Variants in CTNNA2 observed in about 807,000 individuals in gnomAD.
The protein encoded by CTNNA2 is catenin alpha 2, also known as catenin alpha-2.
Under a neutral mutation model 101.0 loss-of-function variants are expected in CTNNA2, and 42 were observed. The ratio of observed to expected loss-of-function variants is 0.42; its 90% CI spans 0.32 to 0.54. The LOEUF is 0.54. Ranked by LOEUF, CTNNA2 falls within the 20% of genes least tolerant of loss-of-function variation. The probability of loss-of-function intolerance (pLI) is 0.14; values close to 1 mark genes in which losing one functional copy is unlikely to be tolerated. For missense variants in CTNNA2, 871 were observed against 1,223.1 expected, an observed-to-expected ratio of 0.71 and a Z score of 4.29; for synonymous variants, 450 against 456.4, an observed-to-expected ratio of 0.99 and a Z score of 0.18.
Position 79,939,253 on chromosome 2 carries a change from A to G in CTNNA2, c.1056+29456A>G, listed in dbSNP as rs531001529. Reference sequence around the variant, plus strand: ...AGTGCCTGATTGTGTAGACATGGGTAGCTGAAGTAGCTTGTAGCATCTGAC... The same window carrying G: ...AGTGCCTGATTGTGTAGACATGGGTGGCTGAAGTAGCTTGTAGCATCTGAC... On this transcript the variant is annotated intron_variant, in intron 7 of 18. Coordinates refer to ENST00000402739, the MANE Select transcript of CTNNA2 (RefSeq NM_001282597.3). Among the ~76,000 whole-genome samples the G allele has an allele frequency of 4.2e-3, 643 of 152,260 alleles. 2 individuals are homozygous for G. The highest frequency in any genetic ancestry group is 0.015 in the African/African-American group (613 of 41,520).
chr2:80,600,566 A>G (rs991044275), intron 15 of CTNNA2, among the ~76,000 whole-genome samples: 1 of 152,162 alleles, frequency 6.6e-6, no homozygotes, highest in Admixed American at 6.6e-5. Context: ...TATATAAATC[A>G]TTAATAATGA....
intron 7 of CTNNA2, among the ~76,000 whole-genome samples, chr2:80,358,343 CTTTTTTTT>C (rs35040432): frequency 0.037 from 3,679 of 99,738 alleles, 68 homozygotes; most frequent in Middle Eastern, 0.096. Flanking sequence ...TAGTATTCTA[CTTTTTTTT>C]TTTTTTTTTT....
At chr2:80,364,126 T>G (rs1674676340) in intron 7 of CTNNA2, among the ~76,000 whole-genome samples, 1 of 152,140 alleles carries the variant, frequency 6.6e-6, no homozygotes, top group Admixed American at 6.6e-5. Context: ...GTGGTTTCCT[T>G]CCTTTCAGGT....
chr2:80,395,387 T>G (rs2149370501), intron 8 of CTNNA2, among the ~76,000 whole-genome samples: 1 of 152,362 alleles, frequency 6.6e-6, no homozygotes, highest in East Asian at 1.9e-4. Flanking sequence ...TTGAAACATC[T>G]TTCTCTTCTC....
intron 2 of CTNNA2, among the ~76,000 whole-genome samples, chr2:79,203,319 C>T (rs59340330): frequency 0.16 from 24,973 of 152,122 alleles, 2,238 homozygotes; most frequent in Middle Eastern, 0.18. Context: ...CAGAAAATGG[C>T]AAAATCATGA....
At chr2:79,367,981 C>T (rs964913670) in intron 3 of CTNNA2, among the ~76,000 whole-genome samples, 1 of 152,118 alleles carries the variant, frequency 6.6e-6, no homozygotes, top group Admixed American at 6.5e-5. Context: ...AAATGCAATA[C>T]TCCATGTAAA....
intron 4 of CTNNA2, among the ~76,000 whole-genome samples, chr2:79,459,795 C>A (rs1670859001): frequency 2.0e-5 from 3 of 152,108 alleles, no homozygotes; most frequent in Admixed American, 2.0e-4. Flanking sequence ...TTTTTCTTCA[C>A]CTACTCAGTT....
At position 79,908,068 on chromosome 2, in the gene CTNNA2, A is replaced by G. The variant is rs374784238; in HGVS notation, c.853-1526A>G. Among the ~76,000 whole-genome samples, 15 of 152,326 alleles carry G rather than the reference A, an allele frequency of 9.8e-5. No individual in the cohort carries two copies. In the East Asian group the frequency reaches 2.7e-3, roughly 27 times the overall value. The stretch of plus-strand genomic sequence containing the variant: ...TTGGAGGGTTACAACAAACTTTCCC[A>G]GAGCATACAGCTGGACTTCACTTTG... On this transcript the variant is annotated intron_variant, in intron 6 of 18. Coordinates refer to ENST00000402739, the MANE Select transcript of CTNNA2 (RefSeq NM_001282597.3).
At chr2:79,503,067 C>A (rs560621524) in intron 4 of CTNNA2, among the ~76,000 whole-genome samples, 76 of 152,240 alleles carry the variant, frequency 5.0e-4, no homozygotes, top group African/African-American at 1.7e-3. Context: ...TGGCACTATT[C>A]CTTGGGGAGA....
rs1373732070 is a variant in CTNNA2, at chr2:80,545,975, C to A, written c.1452C>A (p.Val484=). 7 of 1,614,002 alleles carry A rather than the reference C, an allele frequency of 4.3e-6. No individual in the cohort carries two copies. In the African/African-American group the frequency reaches 9.3e-5, roughly 22 times the overall value. ...QSKVAQDNMD[V]FKDQWEKQVR... ...AAGTTGCTCAGGATAACATGGACGT[C>A]TTCAAAGACCAGTGGGAGAAGCAGG... The change falls in exon 11 of 19, where the codon GTC becomes GTA. Residue 484 remains valine (V), a synonymous_variant. Coordinates refer to ENST00000402739, the MANE Select transcript of CTNNA2 (RefSeq NM_001282597.3).
At chr2:79,655,893 G>A (rs988324356) in intron 2 of CTNNA2, among the ~76,000 whole-genome samples, 1 of 151,584 alleles carries the variant, frequency 6.6e-6, no homozygotes, top group Non-Finnish European at 1.5e-5. Context: ...TCCTTCTGTT[G>A]CAGACAAAAG....
chr2:80,626,090 G>A (rs1671654267), intron 18 of CTNNA2, among the ~76,000 whole-genome samples: 1 of 151,818 alleles, frequency 6.6e-6, no homozygotes. Flanking sequence ...CACACAAATT[G>A]TTATATAATT....
At chr2:79,474,018 TA>T (rs1671027169) in intron 4 of CTNNA2, among the ~76,000 whole-genome samples, 1 of 152,174 alleles carries the variant, frequency 6.6e-6, no homozygotes, top group Admixed American at 6.5e-5. Flanking sequence ...TATTTAATTT[TA>T]ATTAGTTTAA....
At chr2:79,671,121 A>G (rs1488586301) in intron 2 of CTNNA2, among the ~76,000 whole-genome samples, 3 of 152,210 alleles carry the variant, frequency 2.0e-5, no homozygotes, top group Non-Finnish European at 4.4e-5. Context: ...TGGCACTTCG[A>G]GAGAAGCAGG....
chr2:79,901,737 G>A (rs1295260833), intron 6 of CTNNA2, among the ~76,000 whole-genome samples: 1 of 152,164 alleles, frequency 6.6e-6, no homozygotes, highest in Non-Finnish European at 1.5e-5. Context: ...AAAGACCATT[G>A]TCAGCTGTGC....
chr2:80,028,289 T>G (rs951235671), intron 7 of CTNNA2: 1 of 152,194 alleles, frequency 6.6e-6, no homozygotes, highest in Admixed American at 6.5e-5. Context: ...ATGGGTTGCT[T>G]TCGCAGCAAA....
At position 79,632,819 on chromosome 2, in the gene CTNNA2, C is replaced by A. The variant is rs548716198; in HGVS notation, c.-5-18733C>A. On this transcript the variant is annotated intron_variant, in intron 1 of 18. Transcript: ENST00000402739. ...GAAATCCACTGATACAGAATAGGAA[C>A]CAGCACAATTTTTCTGTAGAGGTGG... Among the ~76,000 whole-genome samples the A allele has an allele frequency of 5.3e-4, 81 of 152,258 alleles. 1 individual carries two copies. The South Asian group carries it at 0.013, about 25-fold the overall frequency.
intron 9 of CTNNA2, among the ~76,000 whole-genome samples, chr2:80,485,190 C>G (rs778471995): frequency 1.3e-5 from 2 of 152,076 alleles, no homozygotes; most frequent in Admixed American, 6.5e-5. Flanking sequence ...CATCCACTGT[C>G]AAACTAACTT....
intron 3 of CTNNA2, among the ~76,000 whole-genome samples, chr2:79,769,058 T>C (rs1673383762): frequency 6.6e-6 from 1 of 152,138 alleles, no homozygotes; most frequent in African/African-American, 2.4e-5. Context: ...GGTTTCATCA[T>C]GTTAGCCAGG....
Sources: allele counts gnomAD v4.1 joint callset (sites outside exome capture counted in the v4.1 genomes callset), GRCh38; gene constraint gnomAD v4.1.1; transcripts MANE v1.5; gene names NCBI Gene and HGNC (gene_info 2026-07-23, HGNC 2026-07-21).